HDAC5: variants seen among roughly 807,000 people sequenced by gnomAD.
HDAC5 encodes the protein antigen NY-CO-9.
Under a neutral mutation model 133.3 loss-of-function variants are expected in HDAC5, and 25 were observed. That is an observed-to-expected ratio of 0.19 (90% CI 0.14 to 0.26). The LOEUF (loss-of-function observed/expected upper bound fraction) is 0.26. Ranked by LOEUF, HDAC5 falls within the 10% of genes least tolerant of loss-of-function variation. The probability of loss-of-function intolerance (pLI) is 1.00; values close to 1 mark genes in which losing one functional copy is unlikely to be tolerated. For synonymous variants in HDAC5, 589 were observed against 610.8 expected (o/e 0.96, Z 0.53); for missense variants, 1,041 against 1,460.5 (o/e 0.71, Z 4.68).
At chr17:44,106,856 G>A (rs543283663) in intron 3 of HDAC5, among the ~76,000 whole-genome samples, 26 of 152,154 alleles carry the variant, frequency 1.7e-4, no homozygotes, top group Non-Finnish European at 3.4e-4. Context: ...GAGCCACCGA[G>A]CCCGGCCAAA....
intron 3 of HDAC5, among the ~76,000 whole-genome samples, chr17:44,094,739 T>G (rs981984577): frequency 4.7e-5 from 4 of 85,890 alleles, no homozygotes; most frequent in Admixed American, 4.1e-4. Flanking sequence ...TATATATGTG[T>G]GTACGTATGT....
intron 3 of HDAC5, among the ~76,000 whole-genome samples, chr17:44,094,644 TAAAG>T (rs989241957): frequency 5.9e-5 from 9 of 151,654 alleles, no homozygotes; most frequent in African/African-American, 2.2e-4. Flanking sequence ...CTCAAAAAAA[TAAAG>T]AAAATGTGCA....
At chr17:44,082,932 A>G in intron 18 of HDAC5, 112 bp from the exon 19 acceptor site, 1 of 902,750 alleles carries the variant, frequency 1.1e-6, no homozygotes, top group Non-Finnish European at 1.8e-6. Context: ...AAACCAGAAA[A>G]GCAGATCCAT....
chr17:44,101,914 G>C (rs1184855609), intron 3 of HDAC5, among the ~76,000 whole-genome samples: 2 of 152,186 alleles, frequency 1.3e-5, no homozygotes, highest in East Asian at 3.8e-4. Context: ...GGATGTACAA[G>C]GGCTGGTGTT....
At chr17:44,116,967 ACACGT>A (rs1403408496) in intron 2 of HDAC5, among the ~76,000 whole-genome samples, 1 of 152,172 alleles carries the variant, frequency 6.6e-6, no homozygotes, top group Non-Finnish European at 1.5e-5. Context: ...ACTCCTCTAC[ACACGT>A]CACCCCACTC....
At chr17:44,097,526 C>T (rs1255520152) in intron 3 of HDAC5, among the ~76,000 whole-genome samples, 1 of 152,244 alleles carries the variant, frequency 6.6e-6, no homozygotes, top group African/African-American at 2.4e-5. Flanking sequence ...AGCCACAGCC[C>T]ACGATGGTGG....
At chr17:44,121,101 G>GAAA (rs35741759) in intron 1 of HDAC5, among the ~76,000 whole-genome samples, 1 of 87,872 alleles carries the variant, frequency 1.1e-5, no homozygotes, top group African/African-American at 4.7e-5. Flanking sequence ...GCTATTTCTA[G>GAAA]AAAAAAAAAA....
At chr17:44,092,916 A>G (rs2051033973) in intron 6 of HDAC5, 110 bp from the exon 7 acceptor site, 1 of 653,864 alleles carries the variant, frequency 1.5e-6, no homozygotes, top group Non-Finnish European at 2.6e-6. Context: ...ATATAGGAAG[A>G]GGACGTGGAT....
intron 11 of HDAC5, among the ~76,000 whole-genome samples, chr17:44,089,766 A>AAG (rs1159069998): frequency 1.5e-4 from 22 of 149,224 alleles, no homozygotes; most frequent in African/African-American, 5.4e-4. Flanking sequence ...AAAAAAAAAA[A>AAG]AAAAAAAATT....
intron 9 of HDAC5, 98 bp from the exon 10 acceptor site, chr17:44,091,929 C>T: frequency 7.3e-7 from 1 of 1,373,490 alleles, no homozygotes; most frequent in Middle Eastern, 2.4e-4. Context: ...TGAATGGTGC[C>T]CAGTTCCCTC....
chr17:44,101,932 A>G (rs686660), intron 3 of HDAC5, among the ~76,000 whole-genome samples: 149,615 of 152,286 alleles, frequency 0.98, 73,558 homozygotes, highest in Middle Eastern at 1. Context: ...GTTCAACTTT[A>G]TTCCTGAGCC....
At chr17:44,103,208 C>T (rs1363251851) in intron 3 of HDAC5, among the ~76,000 whole-genome samples, 8 of 152,132 alleles carry the variant, frequency 5.3e-5, no homozygotes, top group East Asian at 3.8e-4. Context: ...GCTGTGACAC[C>T]GATGACCCCT....
intron 3 of HDAC5, among the ~76,000 whole-genome samples, chr17:44,103,051 G>T (rs1322963442): frequency 6.6e-6 from 1 of 152,072 alleles, no homozygotes; most frequent in African/African-American, 2.4e-5. Flanking sequence ...AGGCCCTCAG[G>T]ACCTCCCTCA....
intron 3 of HDAC5, among the ~76,000 whole-genome samples, chr17:44,105,515 T>C (rs2051879989): frequency 6.6e-6 from 1 of 152,200 alleles, no homozygotes; most frequent in Non-Finnish European, 1.5e-5. Flanking sequence ...TAGGACTGTT[T>C]GCTCCACACC....
Position 44,123,535 on chromosome 17 carries a change from GGCGGCGGCAGCA to G in HDAC5, c.-233_-222del, listed in dbSNP as rs1336251525. On this transcript the variant is annotated 5_prime_UTR_variant, in exon 1 of 27. Coordinates refer to ENST00000682912, the MANE Select transcript of HDAC5 (RefSeq NM_005474.5). Reference sequence around the variant, plus strand: ...CGGCTCGAGCTCCGGCTTCGCGGGCGGCGGCGGCAGCAGCGGCGGCGGCAGCGGCGGCAGCAC... The same window carrying G: ...CGGCTCGAGCTCCGGCTTCGCGGGCGGCGGCGGCGGCAGCGGCGGCAGCAC... 6 of 397,388 alleles carry G rather than the reference GGCGGCGGCAGCA, an allele frequency of 1.5e-5. No homozygotes were observed. The highest frequency in any genetic ancestry group is 3.6e-5 in the East Asian group (1 of 27,842). The allele number at this position is 397,388 out of a possible 1,614,324, so 24.6% of individuals were successfully genotyped here. A position where few individuals can be genotyped will look rare whatever the true frequency, so the allele number is the denominator to read the frequency against.
rs369361035 is a variant in HDAC5, at chr17:44,080,480, C to T, written c.2746G>A (p.Val916Met). 1.2e-5 allele frequency: 20 copies of T among 1,614,018 alleles called. No homozygotes were observed. The highest frequency in any genetic ancestry group is 1.6e-4 in the Middle Eastern group (1 of 6,084). The change falls in exon 22 of 27, where the codon GTG becomes ATG. Residue 916 changes from valine (V) to methionine (M), a missense_variant. Physicochemically the swap from Val to Met is conservative, Grantham distance 21. Coordinates refer to ENST00000682912, the MANE Select transcript of HDAC5 (RefSeq NM_005474.5). Reference protein sequence around the residue: ...APEEVGGGPGVGYNVNVAWTG... With the variant: ...APEEVGGGPGMGYNVNVAWTG... ...CATGCCACGTTCACATTGTACCCCA[C>T]GCCTGGTCCTCCACCAACCTGGCAC... is the stretch of plus-strand genomic sequence containing the variant.
chr17:44,115,829 G>GCCCATTCCACAGGC (rs1021061795), intron 2 of HDAC5: 1 of 152,234 alleles, frequency 6.6e-6, no homozygotes, highest in African/African-American at 2.4e-5. Flanking sequence ...AGGACGCGGG[G>GCCCATTCCACAGGC]CCCATTCCAC....
intron 3 of HDAC5, among the ~76,000 whole-genome samples, chr17:44,095,010 G>A (rs1381836132): frequency 6.6e-6 from 1 of 151,878 alleles, no homozygotes; most frequent in African/African-American, 2.4e-5. Flanking sequence ...TGCCCAGGCT[G>A]AATTAAACTC....
At position 44,103,097 on chromosome 17, in the gene HDAC5, TTCTG is replaced by T. The variant is rs1267554857; in HGVS notation, c.94+7628_94+7631del. Among the ~76,000 whole-genome samples, 23 of 152,280 alleles carry T rather than the reference TTCTG, an allele frequency of 1.5e-4. 1 individual carries two copies. The South Asian group carries it at 2.3e-3, about 15-fold the overall frequency. ...GAGACAGCAGCTTCTAATTACCTTGTTCTGTCTCTTGGAGATTGGGGAAAAGCTC... is the reference window on the plus strand; with the variant it reads ...GAGACAGCAGCTTCTAATTACCTTGTTCTCTTGGAGATTGGGGAAAAGCTC... On this transcript the variant is annotated intron_variant, in intron 3 of 26. Coordinates refer to ENST00000682912, the MANE Select transcript of HDAC5 (RefSeq NM_005474.5).
Sources: allele counts gnomAD v4.1 joint callset (sites outside exome capture counted in the v4.1 genomes callset), GRCh38; gene constraint gnomAD v4.1.1; transcripts MANE v1.5; gene names NCBI Gene and HGNC (gene_info 2026-07-23, HGNC 2026-07-21).